The following NOL4L variants were observed in gnomAD, a reference collection of about 807,000 sequenced individuals.
NOL4L encodes nucleolar protein 4 like.
NOL4L carries 7 observed loss-of-function variants against 64.5 expected under a neutral mutation model. The observed-to-expected ratio is 0.11, with a 90% CI of 0.06 to 0.20. The LOEUF (loss-of-function observed/expected upper bound fraction) is 0.20. NOL4L is among the 10% of genes least tolerant of loss of function. The probability of loss-of-function intolerance (pLI) is 1.00; values close to 1 mark genes in which losing one functional copy is unlikely to be tolerated. For missense variants in NOL4L, 680 were observed against 967.1 expected, an observed-to-expected ratio of 0.70 and a Z score of 3.94; for synonymous variants, 413 against 401.0, an observed-to-expected ratio of 1.03 and a Z score of -0.36.
chr20:32,540,237 G>A (rs1335768577), intron 1 of NOL4L, among the ~76,000 whole-genome samples: 1 of 152,142 alleles, frequency 6.6e-6, no homozygotes, highest in East Asian at 1.9e-4. Flanking sequence ...CCAGACAGAT[G>A]TGTGTAGGCC....
intron 4 of NOL4L, among the ~76,000 whole-genome samples, chr20:32,494,253 G>GAAAAAAAAAAAA (rs566317193): frequency 4.5e-5 from 1 of 22,064 alleles, no homozygotes; most frequent in African/African-American, 1.4e-4. Context: ...ATAATCTCGG[G>GAAAAAAAAAAAA]AAAAAAAAAA....
chr20:32,455,781 A>G (rs1384809531), intron 6 of NOL4L, among the ~76,000 whole-genome samples: 3 of 152,194 alleles, frequency 2.0e-5, no homozygotes, highest in Non-Finnish European at 4.4e-5. Flanking sequence ...GCTGTGCCGA[A>G]AGTGGCCACT....
At chr20:32,480,224 C>A (rs1360447513) in intron 4 of NOL4L, among the ~76,000 whole-genome samples, 1 of 152,208 alleles carries the variant, frequency 6.6e-6, no homozygotes, top group Non-Finnish European at 1.5e-5. Flanking sequence ...TTTCCAGACC[C>A]TTCCTGAGAG....
intron 4 of NOL4L, among the ~76,000 whole-genome samples, chr20:32,478,273 A>ACACACACACACTCTCT (rs1373957221): frequency 2.1e-5 from 3 of 143,332 alleles, no homozygotes; most frequent in Admixed American, 6.8e-5. Flanking sequence ...ACACACACAC[A>ACACACACACACTCTCT]CTCTCTCTCT....
intron 4 of NOL4L, among the ~76,000 whole-genome samples, chr20:32,479,595 A>G (rs1415987412): frequency 2.0e-5 from 3 of 152,080 alleles, no homozygotes; most frequent in African/African-American, 7.2e-5. Context: ...TGTGCAATCC[A>G]TTACTTCTGG....
intron 5 of NOL4L, among the ~76,000 whole-genome samples, chr20:32,461,148 C>T (rs2014005712): frequency 6.6e-6 from 1 of 152,228 alleles, no homozygotes; most frequent in Non-Finnish European, 1.5e-5. Flanking sequence ...GGATTTGATG[C>T]CGGCTGCAGC....
chr20:32,544,343 A>T (rs881432), intron 1 of NOL4L, among the ~76,000 whole-genome samples: 20,222 of 151,394 alleles, frequency 0.13, 1,933 homozygotes, highest in African/African-American at 0.27. Context: ...ACAAAGAGGC[A>T]TGGGGCCTTT....
At chr20:32,543,662 C>A (rs2018690856) in intron 1 of NOL4L, among the ~76,000 whole-genome samples, 1 of 151,856 alleles carries the variant, frequency 6.6e-6, no homozygotes, top group Non-Finnish European at 1.5e-5. Context: ...TGGTGGTGCA[C>A]ACCTGTAGTC....
rs891875538 is a variant in NOL4L, at chr20:32,539,078, A to T, written c.322-11165T>A. Among the ~76,000 whole-genome samples the T allele has an allele frequency of 2.2e-4, 33 of 151,900 alleles. No individual in the cohort carries two copies. In the East Asian group the frequency reaches 6.0e-3, roughly 28 times the overall value. ...AGTGTCTAGGGCTGGGCGTTGGGAG[A>T]CTCAGTTTCTTGCCAGCTGCAGGGC... On this transcript the variant is annotated intron_variant, in intron 1 of 10. Coordinates refer to ENST00000621426, the MANE Select transcript of NOL4L (RefSeq NM_001256798.2).
At chr20:32,496,606 A>G (rs943124881) in intron 4 of NOL4L, among the ~76,000 whole-genome samples, 5 of 151,752 alleles carry the variant, frequency 3.3e-5, no homozygotes, top group African/African-American at 7.3e-5. Flanking sequence ...GCTGGAGTAC[A>G]GTGGCATGAT....
At chr20:32,544,024 G>A (rs1020717331) in intron 1 of NOL4L, among the ~76,000 whole-genome samples, 8 of 152,116 alleles carry the variant, frequency 5.3e-5, no homozygotes, top group Non-Finnish European at 1.5e-5. Flanking sequence ...ATGGTGGGGA[G>A]GCTATGCTGA....
At position 32,453,182 on chromosome 20, in the gene NOL4L, T is replaced by C. The variant is rs1229887700; in HGVS notation, c.1497+122A>G. ...TCCCTCATTTGCAAACCAGGGATTA[T>C]GGTACTTGCTTCCAGGGCTCCTGGG... On this transcript the variant is annotated intron_variant, in intron 8 of 10. Coordinates refer to ENST00000621426, the MANE Select transcript of NOL4L (RefSeq NM_001256798.2). This position sits in a 1 kb window ranked among gnomAD's most constrained non-coding sequence, Gnocchi z 5.6. 8 of 1,414,158 alleles carry C rather than the reference T, an allele frequency of 5.7e-6. No individual in the cohort carries two copies. The highest frequency in any genetic ancestry group is 1.3e-5 in the South Asian group (1 of 75,216). 87.6% of individuals were successfully genotyped at this position (1,414,158 alleles called of 1,614,324 possible). A position where few individuals can be genotyped will look rare whatever the true frequency, so the allele number is the denominator to read the frequency against.
Position 32,452,328 on chromosome 20 carries a change from T to C in NOL4L, c.1730A>G (p.Asn577Ser), listed in dbSNP as rs760632730. The change falls in exon 10 of 11, where the codon AAC becomes AGC. Residue 577 changes from asparagine (N) to serine (S), a missense_variant. Asn to Ser is a conservative substitution (Grantham distance 46). This residue lies in a region of NOL4L where 175 missense variants were observed against 227.0 expected (regional missense o/e 0.77). Transcript: ENST00000621426. Reference sequence around the variant, plus strand: ...GCGGTAACTGTAGTTGAGGCCGCCGTTGGCGTACACAGGGTCCTGGGAGTA... The same window carrying C: ...GCGGTAACTGTAGTTGAGGCCGCCGCTGGCGTACACAGGGTCCTGGGAGTA... ...SSYSQDPVYA[N>S]GGLNYSYRGY... 9 of 1,609,558 alleles carry C rather than the reference T, an allele frequency of 5.6e-6. No homozygotes were observed. In the African/African-American group the frequency reaches 6.7e-5, roughly 12 times the overall value.
intron 4 of NOL4L, among the ~76,000 whole-genome samples, chr20:32,496,628 G>A (rs2016698398): frequency 6.6e-6 from 1 of 151,702 alleles, no homozygotes; most frequent in South Asian, 2.1e-4. Context: ...TCAGCTCACT[G>A]CAACCTCTGC....
chr20:32,576,605 G>A (rs1047426059), intron 1 of NOL4L, among the ~76,000 whole-genome samples: 13 of 152,168 alleles, frequency 8.5e-5, no homozygotes, highest in African/African-American at 2.9e-4. Context: ...CAGGGGAGGA[G>A]CTCCATGTCC....
intron 4 of NOL4L, chr20:32,486,656 C>A (rs752685722): frequency 2.2e-6 from 1 of 458,564 alleles, no homozygotes; most frequent in Non-Finnish European, 4.5e-6. Flanking sequence ...AAAAAATTAT[C>A]CCCACAAATG....
At chr20:32,554,869 G>A (rs2145607871) in intron 1 of NOL4L, among the ~76,000 whole-genome samples, 1 of 152,260 alleles carries the variant, frequency 6.6e-6, no homozygotes, top group South Asian at 2.1e-4. Context: ...CTGGCATGGG[G>A]CAAGACATTT....
intron 1 of NOL4L, 114 bp downstream of exon 1, chr20:32,584,456 G>T: frequency 2.3e-6 from 2 of 887,048 alleles, no homozygotes; most frequent in South Asian, 5.1e-5. Flanking sequence ...CCCGACACAC[G>T]GACAACCTCA....
intron 2 of NOL4L, among the ~76,000 whole-genome samples, chr20:32,524,795 GC>G (rs1399814097): frequency 6.6e-6 from 1 of 152,170 alleles, no homozygotes; most frequent in Non-Finnish European, 1.5e-5. Context: ...GAAAATGGGA[GC>G]AGATGAAGAG....
Sources: gnomAD v4.1 joint callset for allele counts (sites outside exome capture counted in the v4.1 genomes callset) on GRCh38, gnomAD v4.1.1 for gene constraint, gnomAD v4.1.1 regional missense constraint, Gnocchi (gnomAD v3.1) non-coding constraint, MANE v1.5 for transcripts, NCBI Gene and HGNC (gene_info 2026-07-23, HGNC 2026-07-21) for gene names.